The following TNRC6A variants were observed in gnomAD, a reference collection of about 807,000 sequenced individuals.
TNRC6A encodes the protein trinucleotide repeat containing adaptor 6A, also known as trinucleotide repeat-containing gene 6A protein.
Under a neutral mutation model 221.2 loss-of-function variants are expected in TNRC6A, and 44 were observed. The observed-to-expected ratio is 0.20, with a 90% CI of 0.16 to 0.26. The LOEUF is 0.26. Among genes scored for constraint, TNRC6A ranks in the 10% least tolerant of loss-of-function variants. The probability of loss-of-function intolerance (pLI) is 1.00; values close to 1 mark genes in which losing one functional copy is unlikely to be tolerated. For synonymous variants in TNRC6A, 847 were observed against 838.5 expected (o/e 1.01, Z -0.18); for missense variants, 2,199 against 2,404.4 (o/e 0.91, Z 1.79).
chr16:24,691,056 C>T (rs1277166963), intron 2 of TNRC6A, among the ~76,000 whole-genome samples: 1 of 152,080 alleles, frequency 6.6e-6, no homozygotes, highest in Non-Finnish European at 1.5e-5. Flanking sequence ...GTGATCCACC[C>T]GCCTCGGCCT....
chr16:24,734,103 A>C (rs184682799), intron 2 of TNRC6A, among the ~76,000 whole-genome samples: 2 of 152,264 alleles, frequency 1.3e-5, no homozygotes, highest in East Asian at 3.9e-4. Flanking sequence ...TGAGCCCAGC[A>C]GTTTGAGGCT....
At chr16:24,617,854 A>G (rs1900450576) in intron 1 of TNRC6A, among the ~76,000 whole-genome samples, 1 of 152,184 alleles carries the variant, frequency 6.6e-6, no homozygotes, top group East Asian at 1.9e-4. Flanking sequence ...TGTAGAAGAC[A>G]TTTGATTTTA....
Position 24,776,964 on chromosome 16 carries a change from G to A in TNRC6A, c.195G>A (p.Gln65=), listed in dbSNP as rs756190293. The change falls in exon 5 of 25, where the codon CAG becomes CAA. Residue 65 remains glutamine (Q), a synonymous_variant. Coordinates refer to ENST00000395799, the MANE Select transcript of TNRC6A (RefSeq NM_014494.4). ...AACAGATAAAGCCCAGTGTAAGCCA[G>A]CCTCAGCCTGCCAACTCTAATAACG... ...VPEQIKPSVS[Q]PQPANSNNGT... is the part of the protein sequence containing the mutation. 5 of 1,613,926 alleles carry A rather than the reference G, an allele frequency of 3.1e-6. No individual in the cohort carries two copies. Among genetic ancestry groups the A allele is most frequent in the Non-Finnish European group, 3.4e-6 (4 of 1,179,986 alleles).
At position 24,729,690 on chromosome 16, in the gene TNRC6A, G is replaced by T. The variant is rs867235931; in HGVS notation, c.-152G>T. 1.4e-3 allele frequency: 788 copies of T among 583,034 alleles called. 2 individuals carry two copies. The highest frequency in any genetic ancestry group is 3.2e-3 in the South Asian group (56 of 17,466). 36.1% of individuals were successfully genotyped at this position (583,034 alleles called of 1,614,324 possible). A position where few individuals can be genotyped will look rare whatever the true frequency, so the allele number is the denominator to read the frequency against. On this transcript the variant is annotated 5_prime_UTR_variant, in exon 1 of 25. Coordinates refer to ENST00000395799, the MANE Select transcript of TNRC6A (RefSeq NM_014494.4). The stretch of plus-strand genomic sequence containing the variant: ...GCCTGCGGCGGCGGCGGTGTCGGCG[G>T]CGGCGGCGGCGGCGGCGGCGGCGGC...
chr16:24,698,489 C>T (rs2055906854), intron 2 of TNRC6A, among the ~76,000 whole-genome samples: 1 of 152,008 alleles, frequency 6.6e-6, no homozygotes, highest in Non-Finnish European at 1.5e-5. Context: ...AACACCCGTA[C>T]ATTCTTTACT....
intron 4 of TNRC6A, among the ~76,000 whole-genome samples, chr16:24,760,147 T>G (rs1162599002): frequency 1.3e-5 from 2 of 152,142 alleles, no homozygotes; most frequent in Non-Finnish European, 2.9e-5. Context: ...TGTTTCTTTT[T>G]TATTCAATTT....
intron 1 of TNRC6A, among the ~76,000 whole-genome samples, chr16:24,626,224 A>G (rs958473609): frequency 2.0e-4 from 30 of 152,066 alleles, no homozygotes; most frequent in African/African-American, 6.0e-4. Flanking sequence ...GATTGCTCCA[A>G]TGTGCCACCA....
chr16:24,672,781 G>GAGA (rs10635620), intron 2 of TNRC6A, among the ~76,000 whole-genome samples: 103,227 of 151,788 alleles, frequency 0.68, 36,329 homozygotes, highest in African/African-American at 0.87. Flanking sequence ...GAAGTATTTA[G>GAGA]AGAAGTGTCA....
intron 2 of TNRC6A, among the ~76,000 whole-genome samples, chr16:24,658,610 G>A (rs1333752568): frequency 1.3e-5 from 2 of 151,512 alleles, no homozygotes; most frequent in African/African-American, 2.4e-5. Flanking sequence ...GATCTACCTC[G>A]GCCTCCCAAA....
intron 2 of TNRC6A, among the ~76,000 whole-genome samples, chr16:24,685,057 C>T (rs1260418022): frequency 1.3e-5 from 2 of 152,080 alleles, no homozygotes; most frequent in Non-Finnish European, 2.9e-5. Context: ...TCCAAGAGGC[C>T]AAATCCTTCC....
chr16:24,627,697 CTTTTTTTTTTTT>C (rs57520356), intron 1 of TNRC6A, among the ~76,000 whole-genome samples: 2 of 101,784 alleles, frequency 2.0e-5, no homozygotes, highest in African/African-American at 4.1e-5. Context: ...TCTTTTCTTG[CTTTTTTTTTTTT>C]TTTTTTTTTT....
intron 4 of TNRC6A, among the ~76,000 whole-genome samples, chr16:24,762,977 G>C (rs373190812): frequency 6.6e-6 from 1 of 152,032 alleles, no homozygotes; most frequent in Non-Finnish European, 1.5e-5. Flanking sequence ...TTGATTAAGC[G>C]TGTAGATTTT....
chr16:24,681,531 C>A (rs2055533760), intron 2 of TNRC6A, among the ~76,000 whole-genome samples: 2 of 152,114 alleles, frequency 1.3e-5, no homozygotes, highest in Non-Finnish European at 2.9e-5. Flanking sequence ...CCTGACCTAA[C>A]CTGTTTTTTT....
intron 2 of TNRC6A, among the ~76,000 whole-genome samples, chr16:24,732,711 T>G (rs2151186765): frequency 6.6e-6 from 1 of 152,228 alleles, no homozygotes; most frequent in Non-Finnish European, 1.5e-5. Flanking sequence ...ACCAGATAAT[T>G]TATTATTTTG....
At chr16:24,684,736 T>G (rs559753472) in intron 2 of TNRC6A, among the ~76,000 whole-genome samples, 1 of 150,686 alleles carries the variant, frequency 6.6e-6, no homozygotes. Context: ...AGCCCAAGAG[T>G]TCGAGGTTAC....
At chr16:24,617,405 G>A (rs566452559) in intron 1 of TNRC6A, among the ~76,000 whole-genome samples, 108 of 152,288 alleles carry the variant, frequency 7.1e-4, no homozygotes, top group Non-Finnish European at 1.4e-3. Context: ...TTACAGGCAT[G>A]AGCCACCACC....
chr16:24,745,733 C>G (rs1249463076), intron 2 of TNRC6A, among the ~76,000 whole-genome samples: 1 of 151,668 alleles, frequency 6.6e-6, no homozygotes, highest in Non-Finnish European at 1.5e-5. Flanking sequence ...CCTCCAACTC[C>G]TAGGCTCAGT....
intron 5 of TNRC6A, among the ~76,000 whole-genome samples, chr16:24,782,797 G>A (rs55658924): frequency 0.18 from 27,803 of 151,922 alleles, 2,829 homozygotes; most frequent in East Asian, 0.37. Flanking sequence ...CAGGGAACCC[G>A]GGAGGCAGAG....
At chr16:24,636,628 A>C (rs1336655565) in intron 1 of TNRC6A, among the ~76,000 whole-genome samples, 1 of 152,034 alleles carries the variant, frequency 6.6e-6, no homozygotes, top group African/African-American at 2.4e-5. Context: ...CTCAGCTGAG[A>C]TTACAGGTAG....
Sources: allele counts gnomAD v4.1 joint callset (sites outside exome capture counted in the v4.1 genomes callset), GRCh38; gene constraint gnomAD v4.1.1; transcripts MANE v1.5; gene names NCBI Gene and HGNC (gene_info 2026-07-23, HGNC 2026-07-21).